The following CSMD1 variants were observed in gnomAD, a reference collection of about 807,000 sequenced individuals.
CSMD1 encodes CUB and sushi domain-containing protein 1.
Under a neutral mutation model 417.5 loss-of-function variants are expected in CSMD1, and 213 were observed. That is an observed-to-expected ratio of 0.51 (90% CI 0.46 to 0.57). CSMD1 has a LOEUF of 0.57. Ranked by LOEUF, CSMD1 falls within the 20% of genes least tolerant of loss-of-function variation. The pLI, the probability that CSMD1 is intolerant of heterozygous loss-of-function variation, is 0.00. For synonymous variants in CSMD1, 2,862 were observed against 1,736.8 expected, an observed-to-expected ratio of 1.65 and a Z score of -16.11; for missense variants, 6,923 against 4,529.7, an observed-to-expected ratio of 1.53 and a Z score of -15.17.
intron 2 of CSMD1, among the ~76,000 whole-genome samples, chr8:4,427,651 G>A (rs7815734): frequency 0.16 from 24,875 of 151,888 alleles, 2,131 homozygotes; most frequent in South Asian, 0.28. Flanking sequence ...ATTTTTATAC[G>A]TTAACTTTTG....
At chr8:3,329,795 T>A (rs1252274837) in intron 23 of CSMD1, among the ~76,000 whole-genome samples, 1 of 152,210 alleles carries the variant, frequency 6.6e-6, no homozygotes, top group Non-Finnish European at 1.5e-5. Context: ...GAGCCTTTTC[T>A]GCCTTCTCTC....
chr8:4,907,178 C>T (rs147281927), intron 1 of CSMD1, among the ~76,000 whole-genome samples: 79 of 152,284 alleles, frequency 5.2e-4, no homozygotes, highest in African/African-American at 1.8e-3. Context: ...CTTTCCCTGT[C>T]CTTCTATTTT....
chr8:4,804,203 T>G lies in CSMD1; in HGVS notation c.86-166645A>C, dbSNP rs529941918. Among the ~76,000 whole-genome samples the G allele has an allele frequency of 6.9e-4, 105 of 152,316 alleles. No homozygotes were observed. The South Asian group carries it at 0.01, about 15-fold the overall frequency. Reference sequence around the variant, plus strand: ...ATAATGAATTAATTTTCAGGAAATTTAAACCATATTTAACTAGATGAGTTA... The same window carrying G: ...ATAATGAATTAATTTTCAGGAAATTGAAACCATATTTAACTAGATGAGTTA... On this transcript the variant is annotated intron_variant, in intron 1 of 69. Coordinates refer to ENST00000635120, the MANE Select transcript of CSMD1 (RefSeq NM_033225.6).
chr8:3,857,713 G>T (rs950288502), intron 5 of CSMD1, among the ~76,000 whole-genome samples: 1 of 152,194 alleles, frequency 6.6e-6, no homozygotes, highest in Non-Finnish European at 1.5e-5. Flanking sequence ...TACCAGGTGT[G>T]ATGATCCATT....
intron 3 of CSMD1, among the ~76,000 whole-genome samples, chr8:4,262,778 GGAAGGAA>G (rs1460422309): frequency 3.9e-5 from 6 of 152,164 alleles, no homozygotes; most frequent in Non-Finnish European, 8.8e-5. Context: ...GCTATGGAGA[GGAAGGAA>G]GTATGTTCCA....
chr8:4,957,674 T>C (rs1809208486), intron 1 of CSMD1, among the ~76,000 whole-genome samples: 1 of 152,210 alleles, frequency 6.6e-6, no homozygotes, highest in Non-Finnish European at 1.5e-5. Flanking sequence ...CAAAAGGATA[T>C]AAAAACTCAT....
intron 10 of CSMD1, among the ~76,000 whole-genome samples, chr8:3,565,159 A>AAAAAAAAAAAAG (rs1554471702): frequency 1.4e-5 from 2 of 138,022 alleles, no homozygotes; most frequent in African/African-American, 5.5e-5. Context: ...AAAAAAAAAA[A>AAAAAAAAAAAAG]AGAGAGAGAT....
At chr8:3,696,799 C>A (rs992093355) in intron 7 of CSMD1, among the ~76,000 whole-genome samples, 1 of 152,166 alleles carries the variant, frequency 6.6e-6, no homozygotes. Context: ...AAATATATTT[C>A]TTCTACTCTT....
At chr8:4,914,360 A>C (rs1805910794) in intron 1 of CSMD1, among the ~76,000 whole-genome samples, 1 of 152,082 alleles carries the variant, frequency 6.6e-6, no homozygotes. Flanking sequence ...GCAGATCACG[A>C]GGTCAGGAGA....
intron 11 of CSMD1, among the ~76,000 whole-genome samples, chr8:3,491,112 A>C (rs918206945): frequency 6.6e-6 from 1 of 152,322 alleles, no homozygotes; most frequent in African/African-American, 2.4e-5. Flanking sequence ...TTCACTTCAC[A>C]GCTGCTTATA....
At chr8:4,642,424 T>C (rs921397309) in intron 1 of CSMD1, among the ~76,000 whole-genome samples, 19 of 152,164 alleles carry the variant, frequency 1.2e-4, no homozygotes, top group Admixed American at 3.3e-4. Context: ...GGGCTGTTGC[T>C]CTGTAATTCG....
At chr8:3,302,998 G>A (rs1349926312) in intron 25 of CSMD1, among the ~76,000 whole-genome samples, 1 of 152,228 alleles carries the variant, frequency 6.6e-6, no homozygotes, top group African/African-American at 2.4e-5. Context: ...GGGGTCTGGA[G>A]TAGCAGCCAT....
At chr8:3,591,400 C>T (rs762270566) in intron 8 of CSMD1, among the ~76,000 whole-genome samples, 10 of 152,252 alleles carry the variant, frequency 6.6e-5, no homozygotes, top group South Asian at 2.1e-4. Flanking sequence ...TTTCCAAACA[C>T]GCTTTAGTTG....
At chr8:3,951,367 A>T (rs1811588713) in intron 5 of CSMD1, among the ~76,000 whole-genome samples, 1 of 152,226 alleles carries the variant, frequency 6.6e-6, no homozygotes, top group South Asian at 2.1e-4. Context: ...TCAAGAATTC[A>T]ATAAGTTTGT....
chr8:4,522,145 G>A (rs1163048158), intron 2 of CSMD1, among the ~76,000 whole-genome samples: 1 of 152,126 alleles, frequency 6.6e-6, no homozygotes. Context: ...ATGGAGGCAA[G>A]TCTTTCCTGG....
At chr8:3,274,544 T>C (rs1478372782) in intron 26 of CSMD1, among the ~76,000 whole-genome samples, 11 of 152,150 alleles carry the variant, frequency 7.2e-5, no homozygotes, top group Non-Finnish European at 1.3e-4. Context: ...AGTCTCCCAT[T>C]ATTAATGTGT....
chr8:4,229,822 A>C (rs1801601339), intron 3 of CSMD1, among the ~76,000 whole-genome samples: 1 of 152,140 alleles, frequency 6.6e-6, no homozygotes, highest in African/African-American at 2.4e-5. Context: ...CAAACGTATG[A>C]ATCCCAAGAG....
intron 5 of CSMD1, among the ~76,000 whole-genome samples, chr8:3,947,985 C>T (rs1811351404): frequency 6.6e-6 from 1 of 152,158 alleles, no homozygotes; most frequent in South Asian, 2.1e-4. Flanking sequence ...GCAGGTGGAT[C>T]ACCTGAAGTC....
intron 4 of CSMD1, among the ~76,000 whole-genome samples, chr8:4,005,651 G>T (rs979474092): frequency 6.6e-6 from 1 of 152,180 alleles, no homozygotes; most frequent in African/African-American, 2.4e-5. Context: ...GTCTCCCATG[G>T]ATACTATATT....
Sources: allele counts gnomAD v4.1 joint callset (sites outside exome capture counted in the v4.1 genomes callset), GRCh38; gene constraint gnomAD v4.1.1; transcripts MANE v1.5; gene names NCBI Gene and HGNC (gene_info 2026-07-23, HGNC 2026-07-21).